Variants in RARB observed in about 807,000 individuals in gnomAD.
RARB encodes the protein retinoic acid receptor beta.
A neutral mutation model predicts 51.9 loss-of-function variants in RARB; 17 were observed. The ratio of observed to expected loss-of-function variants is 0.33; its 90% CI spans 0.22 to 0.49. The LOEUF (loss-of-function observed/expected upper bound fraction) is 0.49. RARB is among the 20% of genes least tolerant of loss of function. RARB has a pLI of 0.99. For synonymous variants in RARB, 215 were observed against 195.4 expected (o/e 1.10, Z -0.84); for missense variants, 369 against 550.8 (o/e 0.67, Z 3.30).
intron 4 of RARB, 138 bp downstream of exon 4, chr3:25,570,056 C>A: frequency 8.0e-7 from 1 of 1,249,736 alleles, no homozygotes; most frequent in Non-Finnish European, 1.1e-6. Flanking sequence ...TGCATGCTAG[C>A]CAGCTGGGGC....
chr3:25,431,116 G>A (rs1239897828), intron 1 of RARB, among the ~76,000 whole-genome samples: 1 of 151,258 alleles, frequency 6.6e-6, no homozygotes, highest in African/African-American at 2.4e-5. Flanking sequence ...GTGTAAGTAA[G>A]AACATAACCA....
chr3:24,870,089 G>T (rs1050277795), intron 2 of RARB, among the ~76,000 whole-genome samples: 2 of 152,006 alleles, frequency 1.3e-5, no homozygotes, highest in Non-Finnish European at 2.9e-5. Context: ...AAAGTTCTTT[G>T]TATATCCTGG....
At chr3:25,042,499 A>G (rs968485348) in intron 2 of RARB, among the ~76,000 whole-genome samples, 1 of 152,182 alleles carries the variant, frequency 6.6e-6, no homozygotes, top group Admixed American at 6.5e-5. Context: ...CTCTTCAGCC[A>G]TCTGATCTGG....
chr3:25,475,536 TTATA>T (rs929747196), intron 2 of RARB, among the ~76,000 whole-genome samples: 4 of 152,178 alleles, frequency 2.6e-5, no homozygotes, highest in Admixed American at 6.5e-5. Context: ...AAAACAGAAT[TTATA>T]TAGGAAAGAA....
chr3:24,836,670 T>A (rs1702349634), intron 1 of RARB, among the ~76,000 whole-genome samples: 1 of 152,166 alleles, frequency 6.6e-6, no homozygotes, highest in Non-Finnish European at 1.5e-5. Context: ...CTTTGTTGAA[T>A]AAATCAATAA....
chr3:25,480,502 G>A (rs891435101), intron 2 of RARB, among the ~76,000 whole-genome samples: 1 of 152,088 alleles, frequency 6.6e-6, no homozygotes, highest in Non-Finnish European at 1.5e-5. Context: ...TGGTAGCTAA[G>A]GTAACTAACT....
chr3:25,147,324 C>T (rs1320719384), intron 4 of RARB, among the ~76,000 whole-genome samples: 2 of 152,010 alleles, frequency 1.3e-5, no homozygotes, highest in African/African-American at 4.8e-5. Context: ...GCTAGGAGAC[C>T]CCTGCTAATC....
chr3:25,429,219 G>A (rs146457804), intron 1 of RARB, among the ~76,000 whole-genome samples: 125 of 152,266 alleles, frequency 8.2e-4, no homozygotes, highest in Non-Finnish European at 3.1e-4. Flanking sequence ...TCTTCAAGTA[G>A]GGCAATTTGA....
intron 2 of RARB, among the ~76,000 whole-genome samples, chr3:25,058,117 TTGGTTAA>T (rs944074124): frequency 3.3e-5 from 5 of 151,990 alleles, no homozygotes; most frequent in African/African-American, 1.2e-4. Context: ...GAGTTGCCAT[TTGGTTAA>T]TTATGTTTGG....
chr3:25,208,263 G>A (rs561929818), intron 5 of RARB, among the ~76,000 whole-genome samples: 4 of 152,212 alleles, frequency 2.6e-5, no homozygotes, highest in African/African-American at 7.2e-5. Context: ...TGAATGAGAC[G>A]CTAAGGATCC....
At chr3:24,919,982 C>A (rs879747550) in intron 2 of RARB, among the ~76,000 whole-genome samples, 1 of 152,160 alleles carries the variant, frequency 6.6e-6, no homozygotes, top group African/African-American at 2.4e-5. Context: ...GTAATAACCT[C>A]GCTGGACACT....
chr3:25,478,015 C>A (rs910139080), intron 2 of RARB, among the ~76,000 whole-genome samples: 59 of 152,304 alleles, frequency 3.9e-4, no homozygotes, highest in Admixed American at 2.7e-3. Context: ...TCAATACAAG[C>A]AGCTTCTTGA....
At chr3:25,456,242 G>A (rs1025189353) in intron 1 of RARB, among the ~76,000 whole-genome samples, 10 of 152,236 alleles carry the variant, frequency 6.6e-5, no homozygotes, top group African/African-American at 2.4e-4. Flanking sequence ...ACAGTGAACA[G>A]ATCAATGGCT....
chr3:25,118,649 C>G (rs1403188067), intron 3 of RARB, among the ~76,000 whole-genome samples: 1 of 151,904 alleles, frequency 6.6e-6, no homozygotes, highest in Admixed American at 6.6e-5. Flanking sequence ...AAGCCATGTG[C>G]TTTTTCAGCC....
At chr3:25,258,888 G>C (rs1212552828) in intron 5 of RARB, among the ~76,000 whole-genome samples, 5 of 152,054 alleles carry the variant, frequency 3.3e-5, no homozygotes, top group South Asian at 4.1e-4. Context: ...GTATTCTCAA[G>C]AGAAAGGCAT....
At chr3:25,211,380 G>T (rs1023917698) in intron 5 of RARB, among the ~76,000 whole-genome samples, 4 of 152,092 alleles carry the variant, frequency 2.6e-5, no homozygotes, top group Admixed American at 1.3e-4. Flanking sequence ...AATGTTTTTA[G>T]AATATATATA....
chr3:25,053,817 G>A (rs1698386021), intron 2 of RARB, among the ~76,000 whole-genome samples: 2 of 152,136 alleles, frequency 1.3e-5, no homozygotes, highest in Admixed American at 6.5e-5. Flanking sequence ...TTATGAGGAA[G>A]GCTATCATCT....
intron 2 of RARB, among the ~76,000 whole-genome samples, chr3:25,498,003 C>A (rs1697125039): frequency 6.6e-6 from 1 of 152,134 alleles, no homozygotes. Flanking sequence ...GCTCCCTTTT[C>A]AGCAAGAAGT....
chr3:24,989,474 C>G (rs1696865469), intron 2 of RARB, among the ~76,000 whole-genome samples: 1 of 44,758 alleles, frequency 2.2e-5, no homozygotes, highest in South Asian at 8.9e-4. Context: ...CGAGTTTCCA[C>G]TTCCCTACAT....
Sources: allele counts gnomAD v4.1 joint callset (sites outside exome capture counted in the v4.1 genomes callset), GRCh38; gene constraint gnomAD v4.1.1; transcripts MANE v1.5; gene names NCBI Gene and HGNC (gene_info 2026-07-23, HGNC 2026-07-21).